ZNF100: variants seen among roughly 807,000 people sequenced by gnomAD.
The protein encoded by ZNF100 is zinc finger protein 100 (Y1).
A neutral mutation model predicts 15.8 loss-of-function variants in ZNF100; 12 were observed. The observed-to-expected ratio is 0.76, with a 90% CI of 0.49 to 1.23. ZNF100 has a LOEUF of 1.23. Ranked by LOEUF, ZNF100 falls within the 50% of genes most tolerant of loss-of-function variation. ZNF100 has a pLI of 0.00. For synonymous variants in ZNF100, 226 were observed against 214.8 expected, an observed-to-expected ratio of 1.05 and a Z score of -0.45; for missense variants, 670 against 635.6, an observed-to-expected ratio of 1.05 and a Z score of -0.58.
At chr19:21,749,975 C>T (rs759348102) in intron 2 of ZNF100, among the ~76,000 whole-genome samples, 21 of 152,200 alleles carry the variant, frequency 1.4e-4, no homozygotes, top group South Asian at 1.2e-3. Flanking sequence ...TTACAGCAAA[C>T]AGACTACAAT....
chr19:21,729,124 G>A (rs1228227929), intron 4 of ZNF100, among the ~76,000 whole-genome samples: 5 of 151,110 alleles, frequency 3.3e-5, no homozygotes, highest in African/African-American at 1.2e-4. Context: ...AAAGTGATGC[G>A]TCATTTGCCA....
intron 2 of ZNF100, among the ~76,000 whole-genome samples, chr19:21,757,964 G>C (rs79047894): frequency 0.054 from 8,179 of 152,172 alleles, 233 homozygotes; most frequent in African/African-American, 0.086. Flanking sequence ...TTGAGCCTTG[G>C]AGGTTGAGGC....
rs1205734135 is a variant in ZNF100 at position 21,724,440 on chromosome 19, T to C, written c.*2243A>G. The C allele has an allele frequency of 6.6e-6, 1 of 152,124 alleles. No individual in the cohort carries two copies. Among genetic ancestry groups the C allele is most frequent in the Non-Finnish European group, 1.5e-5 (1 of 68,006 alleles). The allele number at this position is 152,124 out of a possible 1,614,324, so 9.4% of individuals were successfully genotyped here. A position where few individuals can be genotyped will look rare whatever the true frequency, so the allele number is the denominator to read the frequency against. ...GCAGACAGGAAACATGCTCAAAAAA[T>C]AAATATTAGAAAACTTTAAAAATAC... On this transcript the variant is annotated 3_prime_UTR_variant, in exon 5 of 5. Transcript: ENST00000358296.
At chr19:21,738,076 C>T (rs1040821604) in intron 4 of ZNF100, among the ~76,000 whole-genome samples, 8 of 151,356 alleles carry the variant, frequency 5.3e-5, no homozygotes, top group Non-Finnish European at 8.8e-5. Flanking sequence ...CATGGTGAAA[C>T]CCCATCTCTA....
intron 3 of ZNF100, among the ~76,000 whole-genome samples, 187 bp downstream of exon 3, chr19:21,744,754 A>C (rs2036180907): frequency 6.6e-6 from 1 of 152,190 alleles, no homozygotes; most frequent in Non-Finnish European, 1.5e-5. Flanking sequence ...TCAGCTCAGG[A>C]ATATGGAAAG....
At chr19:21,752,831 G>GC (rs1555707346) in intron 2 of ZNF100, 2 of 151,866 alleles carry the variant, frequency 1.3e-5, no homozygotes, top group Non-Finnish European at 2.9e-5. Context: ...TGAGAGTTTT[G>GC]TTTTTTTTCT....
At chr19:21,732,127 C>T (rs927059956) in intron 4 of ZNF100, among the ~76,000 whole-genome samples, 12 of 151,776 alleles carry the variant, frequency 7.9e-5, no homozygotes, top group Middle Eastern at 3.4e-3. Flanking sequence ...GCCAAGATCC[C>T]GCCACTACAC....
chr19:21,731,660 T>C (rs1479899636), intron 4 of ZNF100, among the ~76,000 whole-genome samples: 1 of 152,162 alleles, frequency 6.6e-6, no homozygotes, highest in Non-Finnish European at 1.5e-5. Flanking sequence ...AATATAAAAA[T>C]ACTGGAATAT....
chr19:21,727,082 A>T lies in ZNF100; in HGVS notation c.1230T>A (p.Phe410Leu). Reference sequence around the variant, plus strand: ...GTTTAGTGAGGGCTGAGGACCAGTTAAAGCCTTTGCCGCATTCTTCACATT... The same window carrying T: ...GTTTAGTGAGGGCTGAGGACCAGTTTAAGCCTTTGCCGCATTCTTCACATT... ...FYKCEECGKG[F>L]NWSSALTKHK... The change falls in exon 5 of 5, where the codon TTT (phenylalanine) becomes TTA (leucine). Residue 410 changes from phenylalanine to leucine, a missense_variant. Transcript: ENST00000358296. 6.2e-7 allele frequency: 1 copy of T among 1,612,952 alleles called. No individual in the cohort carries two copies.
chr19:21,767,305 C>T, intron 1 of ZNF100, 122 bp downstream of exon 1: 1 of 1,550,178 alleles, frequency 6.5e-7, no homozygotes, highest in Non-Finnish European at 8.8e-7. Flanking sequence ...GGAGGCCGAG[C>T]TGGGCAAGGC....
At chr19:21,750,440 A>C (rs1419351279) in intron 2 of ZNF100, 1 of 152,244 alleles carries the variant, frequency 6.6e-6, no homozygotes, top group Non-Finnish European at 1.5e-5. Flanking sequence ...ACTGATGTGA[A>C]AAACCTCAAT....
chr19:21,766,631 A>G (rs2036567449), intron 1 of ZNF100, among the ~76,000 whole-genome samples: 1 of 152,156 alleles, frequency 6.6e-6, no homozygotes, highest in African/African-American at 2.4e-5. Flanking sequence ...CTTTCCTTCA[A>G]GCCTCTCCCA....
chr19:21,755,761 A>C (rs1180696745), intron 2 of ZNF100, among the ~76,000 whole-genome samples: 8 of 152,208 alleles, frequency 5.3e-5, no homozygotes, highest in African/African-American at 1.9e-4. Flanking sequence ...CATCAAAAGG[A>C]ATGAGATCAT....
chr19:21,758,488 G>C (rs2036428171), intron 2 of ZNF100, among the ~76,000 whole-genome samples: 1 of 152,212 alleles, frequency 6.6e-6, no homozygotes, highest in Non-Finnish European at 1.5e-5. Context: ...CAGTGGCCCA[G>C]GTGGCGCTGT....
At chr19:21,751,432 T>C (rs1476664164) in intron 2 of ZNF100, 2 of 838,510 alleles carry the variant, frequency 2.4e-6, no homozygotes, top group East Asian at 2.4e-5. Context: ...TTGTTCATAC[T>C]CTTTTTAGTG....
intron 4 of ZNF100, among the ~76,000 whole-genome samples, chr19:21,729,980 C>T (rs1844641339): frequency 6.7e-6 from 1 of 150,352 alleles, no homozygotes; most frequent in Non-Finnish European, 1.5e-5. Context: ...TATAGATACA[C>T]AAAACAAGAA....
intron 2 of ZNF100, among the ~76,000 whole-genome samples, chr19:21,761,947 G>A (rs535492404): frequency 6.6e-6 from 1 of 152,290 alleles, no homozygotes; most frequent in South Asian, 2.1e-4. Context: ...AGCACTAGTA[G>A]GCCAAGCACA....
intron 2 of ZNF100, among the ~76,000 whole-genome samples, chr19:21,763,241 G>A (rs1030535347): frequency 1.3e-5 from 2 of 151,986 alleles, no homozygotes; most frequent in Non-Finnish European, 2.9e-5. Context: ...CCTCTCTTGG[G>A]GTTTGGATTG....
At chr19:21,756,753 T>C (rs1348744801) in intron 2 of ZNF100, among the ~76,000 whole-genome samples, 1 of 152,198 alleles carries the variant, frequency 6.6e-6, no homozygotes, top group African/African-American at 2.4e-5. Flanking sequence ...AAAATTTATA[T>C]GGAACTAAAA....
Sources: allele counts gnomAD v4.1 joint callset (sites outside exome capture counted in the v4.1 genomes callset), GRCh38; gene constraint gnomAD v4.1.1; transcripts MANE v1.5; gene names NCBI Gene and HGNC (gene_info 2026-07-23, HGNC 2026-07-21).